PDE4D: variants seen among roughly 807,000 people sequenced by gnomAD.
The protein encoded by PDE4D is phosphodiesterase 4D.
In PDE4D, 24 loss-of-function variants were observed where a neutral mutation model predicts 87.4. That is an observed-to-expected ratio of 0.27 (90% CI 0.20 to 0.39). The LOEUF is 0.39. Ranked by LOEUF, PDE4D falls within the 10% of genes least tolerant of loss-of-function variation. PDE4D has a pLI of 1.00. For synonymous variants in PDE4D, 384 were observed against 383.2 expected, an observed-to-expected ratio of 1.00 and a Z score of -0.02; for missense variants, 714 against 1,041.0, an observed-to-expected ratio of 0.69 and a Z score of 4.32.
At chr5:58,990,358 G>A (rs1580135592) in intron 9 of PDE4D, among the ~76,000 whole-genome samples, 2 of 152,164 alleles carry the variant, frequency 1.3e-5, no homozygotes, top group East Asian at 3.9e-4. Flanking sequence ...CCCTAAGCTG[G>A]AGCAAAGGGT....
chr5:58,977,502 T>C (rs1435181220), intron 11 of PDE4D, among the ~76,000 whole-genome samples, 157 bp from the exon 12 acceptor site: 1 of 152,174 alleles, frequency 6.6e-6, no homozygotes, highest in Non-Finnish European at 1.5e-5. Flanking sequence ...TCAGATAACA[T>C]AAGAGCAGGA....
intron 1 of PDE4D, among the ~76,000 whole-genome samples, chr5:59,637,341 T>A (rs1386567434): frequency 6.6e-6 from 1 of 152,158 alleles, no homozygotes; most frequent in Non-Finnish European, 1.5e-5. Context: ...GTGTGGCGAT[T>A]TCTCAAGGAT....
At chr5:59,828,737 A>C (rs1479792905) in intron 1 of PDE4D, among the ~76,000 whole-genome samples, 2 of 152,092 alleles carry the variant, frequency 1.3e-5, no homozygotes, top group Non-Finnish European at 2.9e-5. Context: ...AACTGAGGGA[A>C]TAAAACACAC....
intron 1 of PDE4D, among the ~76,000 whole-genome samples, chr5:59,468,854 G>C (rs1341113689): frequency 6.6e-6 from 1 of 152,236 alleles, no homozygotes; most frequent in African/African-American, 2.4e-5. Flanking sequence ...CTAACTTAGA[G>C]CTTAGAGCAT....
intron 2 of PDE4D, among the ~76,000 whole-genome samples, chr5:59,198,953 C>T (rs1365903552): frequency 6.6e-6 from 1 of 152,134 alleles, no homozygotes; most frequent in African/African-American, 2.4e-5. Context: ...ACATCAGCAC[C>T]TGAAAATATA....
In PDE4D at chr5:60,461,116, G is replaced by A. The variant is rs754084652; in HGVS notation, c.-90+26826C>T. ...CTGATCTAAATTAATATTAGAAGGA[G>A]AATGAGTGCTCTCAAAAAATGGGAG... On this transcript the variant is annotated intron_variant, in intron 1 of 16. Coordinates refer to the PDE4D transcript ENST00000502484. 3.9e-5 allele frequency among the ~76,000 whole-genome samples: 6 copies of A among 152,056 alleles called. No individual in the cohort carries two copies. The South Asian group carries it at 1.2e-3, about 32-fold the overall frequency.
chr5:59,771,471 A>G (rs5002479), intron 1 of PDE4D, among the ~76,000 whole-genome samples: 4,771 of 77,964 alleles, frequency 0.061, 110 homozygotes, highest in African/African-American at 0.093. Flanking sequence ...GAAAGAAAGA[A>G]AGAAAGAAAG....
intron 1 of PDE4D, among the ~76,000 whole-genome samples, chr5:59,249,571 T>C (rs1160599836): frequency 6.6e-6 from 1 of 152,102 alleles, no homozygotes; most frequent in Non-Finnish European, 1.5e-5. Context: ...GGCAAATACA[T>C]AAGTTACAAA....
chr5:60,205,585 T>C (rs1742411560), intron 1 of PDE4D, among the ~76,000 whole-genome samples: 1 of 152,064 alleles, frequency 6.6e-6, no homozygotes, highest in African/African-American at 2.4e-5. Context: ...CTCCAAAAAC[T>C]TTCCTGAAAA....
intron 1 of PDE4D, among the ~76,000 whole-genome samples, chr5:59,521,337 T>TAA (rs1440800682): frequency 6.6e-6 from 1 of 152,018 alleles, no homozygotes; most frequent in African/African-American, 2.4e-5. Context: ...CAGGTCAGAG[T>TAA]AAAAATAAAA....
intron 1 of PDE4D, among the ~76,000 whole-genome samples, chr5:59,434,784 C>A (rs560032520): frequency 1.6e-4 from 25 of 152,208 alleles, no homozygotes; most frequent in African/African-American, 5.8e-4. Flanking sequence ...AATAACCAGA[C>A]AATAACTGCT....
At chr5:59,689,117 T>C (rs1011668621) in intron 1 of PDE4D, among the ~76,000 whole-genome samples, 1 of 152,180 alleles carries the variant, frequency 6.6e-6, no homozygotes, top group Non-Finnish European at 1.5e-5. Flanking sequence ...CCAGAGGGAT[T>C]CACAGCCGAA....
At chr5:59,287,730 G>A (rs530105060) in intron 1 of PDE4D, among the ~76,000 whole-genome samples, 3 of 151,800 alleles carry the variant, frequency 2.0e-5, no homozygotes, top group African/African-American at 7.3e-5. Flanking sequence ...GAGAGAGAGA[G>A]AGAGAGACAG....
intron 1 of PDE4D, among the ~76,000 whole-genome samples, chr5:59,338,251 T>C (rs1399611215): frequency 1.3e-5 from 2 of 152,188 alleles, no homozygotes; most frequent in Admixed American, 6.6e-5. Context: ...CCCTGCTTTA[T>C]AGAGGCAAAA....
At chr5:59,545,800 A>C (rs750724111) in intron 1 of PDE4D, among the ~76,000 whole-genome samples, 11 of 152,192 alleles carry the variant, frequency 7.2e-5, no homozygotes, top group Non-Finnish European at 1.6e-4. Context: ...TCATAGCATC[A>C]GTCATTTAAA....
At chr5:59,829,285 C>G (rs1045135534) in intron 1 of PDE4D, among the ~76,000 whole-genome samples, 1 of 151,808 alleles carries the variant, frequency 6.6e-6, no homozygotes, top group Non-Finnish European at 1.5e-5. Context: ...AAATTGGTTC[C>G]TTAATAATCA....
intron 1 of PDE4D, among the ~76,000 whole-genome samples, chr5:59,278,154 T>C (rs1159659178): frequency 6.6e-6 from 1 of 152,144 alleles, no homozygotes; most frequent in Non-Finnish European, 1.5e-5. Flanking sequence ...AGTATGTATT[T>C]GATGTTACAG....
At chr5:59,069,404 G>T (rs1243699359) in intron 5 of PDE4D, among the ~76,000 whole-genome samples, 2 of 152,098 alleles carry the variant, frequency 1.3e-5, no homozygotes, top group Non-Finnish European at 2.9e-5. Context: ...CTTGATATAG[G>T]GATATTTCAG....
intron 1 of PDE4D, among the ~76,000 whole-genome samples, chr5:60,240,688 G>C (rs1747006558): frequency 6.6e-6 from 1 of 152,102 alleles, no homozygotes; most frequent in African/African-American, 2.4e-5. Context: ...CATAGAGAGA[G>C]ATTCTGTGTT....
Sources: gnomAD v4.1 joint callset for allele counts (sites outside exome capture counted in the v4.1 genomes callset) on GRCh38, gnomAD v4.1.1 for gene constraint, MANE v1.5 for transcripts, NCBI Gene and HGNC (gene_info 2026-07-23, HGNC 2026-07-21) for gene names.